The following GALNS variants were observed in gnomAD, a reference collection of about 807,000 sequenced individuals.
The protein encoded by GALNS is galactosamine (N-acetyl)-6-sulfatase, also known as N-acetylgalactosamine-6-sulfatase.
A neutral mutation model predicts 65.9 loss-of-function variants in GALNS; 65 were observed. That is an observed-to-expected ratio of 0.99 (90% CI 0.81 to 1.21). The LOEUF (loss-of-function observed/expected upper bound fraction) is 1.21, where lower values mean the gene tolerates loss of function less well. Ranked by LOEUF, GALNS falls within the 50% of genes most tolerant of loss-of-function variation. The probability of loss-of-function intolerance (pLI) is 0.00; values close to 1 mark genes in which losing one functional copy is unlikely to be tolerated. For synonymous variants in GALNS, 346 were observed against 288.9 expected, an observed-to-expected ratio of 1.20 and a Z score of -2.00; for missense variants, 776 against 700.7, an observed-to-expected ratio of 1.11 and a Z score of -1.21.
At chr16:88,855,822 A>C in intron 1 of GALNS, 1 of 505,074 alleles carries the variant, frequency 2.0e-6, no homozygotes, top group Non-Finnish European at 3.6e-6. Context: ...GTCTGAAGGC[A>C]CCTGTCAGGG....
At chr16:88,816,519 G>GC (rs1230716631) in intron 13 of GALNS, 25 of 945,034 alleles carry the variant, frequency 2.6e-5, no homozygotes, top group Non-Finnish European at 2.7e-5. Context: ...AGGCACCCCC[G>GC]CCCCCCGCCC....
intron 9 of GALNS, among the ~76,000 whole-genome samples, chr16:88,829,930 G>A (rs1911315558): frequency 6.6e-6 from 1 of 152,164 alleles, no homozygotes; most frequent in Non-Finnish European, 1.5e-5. Flanking sequence ...ACAGCCACAG[G>A]GTCCTCAAAA....
At chr16:88,855,647 C>A in intron 1 of GALNS, 1 of 602,530 alleles carries the variant, frequency 1.7e-6, no homozygotes, top group Non-Finnish European at 2.9e-6. Flanking sequence ...TGTTAAAAAA[C>A]CATTAATTTA....
chr16:88,844,618 G>C (rs1008061702), intron 1 of GALNS: 2 of 152,278 alleles, frequency 1.3e-5, no homozygotes, highest in Admixed American at 1.3e-4. Context: ...CCCTCTACAG[G>C]CCGCCTTCAG....
At chr16:88,853,801 C>T (rs570397380) in intron 1 of GALNS, among the ~76,000 whole-genome samples, 1 of 152,228 alleles carries the variant, frequency 6.6e-6, no homozygotes, top group Non-Finnish European at 1.5e-5. Flanking sequence ...CAGGGCAGCC[C>T]TGGGGAGTGC....
intron 13 of GALNS, 72 bp from the exon 14 acceptor site, chr16:88,814,597 TTTG>T: frequency 6.5e-7 from 1 of 1,546,264 alleles, no homozygotes; most frequent in South Asian, 1.2e-5. Flanking sequence ...CAGCGGGCAT[TTTG>T]TTGTTGCTGT....
intron 10 of GALNS, among the ~76,000 whole-genome samples, chr16:88,825,552 GTGT>G (rs1910790003): frequency 1.2e-5 from 1 of 84,554 alleles, no homozygotes; most frequent in Non-Finnish European, 3.0e-5. Flanking sequence ...GGGTGCCTGG[GTGT>G]CCGGGACTGG....
intron 1 of GALNS, among the ~76,000 whole-genome samples, chr16:88,848,657 T>C (rs1208510832): frequency 6.7e-6 from 1 of 150,332 alleles, no homozygotes; most frequent in Non-Finnish European, 1.5e-5. Flanking sequence ...TCGGGGCCGG[T>C]GGGCGTTTGA....
chr16:88,849,803 G>C (rs946398589), intron 1 of GALNS, among the ~76,000 whole-genome samples: 2 of 152,254 alleles, frequency 1.3e-5, no homozygotes, highest in African/African-American at 2.4e-5. Flanking sequence ...GACCTAGAGA[G>C]AGGTGTCCCC....
chr16:88,849,003 CTAACG>C (rs1967385699), intron 1 of GALNS, among the ~76,000 whole-genome samples: 8 of 152,344 alleles, frequency 5.3e-5, no homozygotes, highest in Middle Eastern at 3.4e-3. Flanking sequence ...TCAGCCCCTC[CTAACG>C]TGTGGAGTCC....
intron 1 of GALNS, among the ~76,000 whole-genome samples, chr16:88,850,353 A>C (rs1177248711): frequency 2.6e-5 from 4 of 152,180 alleles, no homozygotes; most frequent in Admixed American, 6.5e-5. Context: ...GAAGGTCGGC[A>C]GTCAGCAGAG....
intron 2 of GALNS, 47 bp from the exon 3 acceptor site, chr16:88,842,018 T>C (rs758079526): frequency 1.3e-6 from 2 of 1,542,716 alleles, no homozygotes; most frequent in South Asian, 2.3e-5. Context: ...AGGGTGTGGC[T>C]CAGACCCCGG....
At chr16:88,824,230 C>A (rs527549046) in intron 11 of GALNS, among the ~76,000 whole-genome samples, 6 of 152,098 alleles carry the variant, frequency 3.9e-5, no homozygotes, top group African/African-American at 1.2e-4. Context: ...CAGAAAAGAC[C>A]GTGGGGAGGG....
At chr16:88,856,583 C>A (rs1031245381) in intron 1 of GALNS, 175 bp downstream of exon 1, 2 of 522,688 alleles carry the variant, frequency 3.8e-6, no homozygotes, top group Admixed American at 2.3e-5. Flanking sequence ...ACGGGGATAC[C>A]CCCCGTCCCC....
At chr16:88,836,047 G>A (rs938697682) in intron 6 of GALNS, among the ~76,000 whole-genome samples, 154 bp downstream of exon 6, 9 of 150,804 alleles carry the variant, frequency 6.0e-5, no homozygotes, top group South Asian at 4.2e-4. Flanking sequence ...GTCCCCACGC[G>A]TCCCACGGGG....
Position 88,814,332 on chromosome 16 carries a change from T to G in GALNS, c.*107A>C. 1.4e-6 allele frequency: 2 copies of G among 1,437,118 alleles called. No homozygotes were observed. The highest frequency in any genetic ancestry group is 1.9e-6 in the Non-Finnish European group (2 of 1,046,334). 89.0% of individuals were successfully genotyped at this position (1,437,118 alleles called of 1,614,324 possible). ...CCCCTGCGTCTGCAGGTGCTGTCTG[T>G]CTGGCTTGGGCAGGGTTGGGGGAGG... On this transcript the variant is annotated 3_prime_UTR_variant, in exon 14 of 14. Transcript: ENST00000268695.
chr16:88,846,704 A>C (rs1967262646), intron 1 of GALNS, among the ~76,000 whole-genome samples: 1 of 151,594 alleles, frequency 6.6e-6, no homozygotes, highest in South Asian at 2.1e-4. Flanking sequence ...CATCATGCTC[A>C]GCTAGTTTTT....
chr16:88,826,829 G>A lies in GALNS; in HGVS notation c.1012C>T (p.Gln338Ter), dbSNP rs767131589. The change falls in exon 10 of 14, where the codon CAG becomes TAG. Residue 338 changes from glutamine to a stop codon, truncating the protein, a stop_gained. Coordinates refer to ENST00000268695, the MANE Select transcript of GALNS (RefSeq NM_000512.5). LOFTEE classifies it high-confidence loss of function. The stretch of plus-strand genomic sequence containing the variant: ...AAGAGGTCCATGATGCTGCCCAGCT[G>A]GTGGCTCACCTGAAACACATGGCAG... The part of the protein sequence containing the change: ...GHVTAGQVSH[Q>*]LGSIMDLFTT... 4.4e-6 allele frequency: 7 copies of A among 1,581,208 alleles called. No homozygotes were observed. Among genetic ancestry groups the A allele is most frequent in the Non-Finnish European group, 5.2e-6 (6 of 1,164,292 alleles).
In GALNS at chr16:88,814,259, C is replaced by G; in HGVS notation, c.*180G>C. The G allele has an allele frequency of 3.6e-6, 3 of 835,572 alleles. No homozygotes were observed. The highest frequency in any genetic ancestry group is 5.8e-6 in the Non-Finnish European group (3 of 515,984). 51.8% of individuals were successfully genotyped at this position (835,572 alleles called of 1,614,324 possible). ...GAGGCGCCGTGGGCGAGGAGGAGGG[C>G]CAAGCACACGCCAGGGTCAGGTCCT... On this transcript the variant is annotated 3_prime_UTR_variant, in exon 14 of 14. Coordinates refer to ENST00000268695, the MANE Select transcript of GALNS (RefSeq NM_000512.5).
Sources: gnomAD v4.1 joint callset for allele counts (sites outside exome capture counted in the v4.1 genomes callset) on GRCh38, gnomAD v4.1.1 for gene constraint, MANE v1.5 for transcripts, NCBI Gene and HGNC (gene_info 2026-07-23, HGNC 2026-07-21) for gene names.